Variants in APBB2 observed in about 807,000 individuals in gnomAD.
APBB2 encodes amyloid beta precursor protein binding family B member 2.
APBB2 carries 38 observed loss-of-function variants against 82.5 expected under a neutral mutation model. The ratio of observed to expected loss-of-function variants is 0.46; its 90% CI spans 0.36 to 0.60. The LOEUF (loss-of-function observed/expected upper bound fraction) is 0.60. APBB2 is among the 20% of genes least tolerant of loss of function. APBB2 has a pLI of 0.00. For missense variants in APBB2, 772 were observed against 972.3 expected, an observed-to-expected ratio of 0.79 and a Z score of 2.74; for synonymous variants, 341 against 368.2, an observed-to-expected ratio of 0.93 and a Z score of 0.85.
chr4:41,172,222 C>G (rs1037027664), intron 1 of APBB2, among the ~76,000 whole-genome samples: 1 of 151,986 alleles, frequency 6.6e-6, no homozygotes, highest in African/African-American at 2.4e-5. Flanking sequence ...CATCCAGCAC[C>G]CCCCGCCCCA....
At chr4:40,857,024 AC>A (rs1479287083) in intron 12 of APBB2, 2 of 985,236 alleles carry the variant, frequency 2.0e-6, no homozygotes, top group Non-Finnish European at 2.4e-6. Flanking sequence ...CAACTTCCTC[AC>A]CTTTGCCTCC....
chr4:40,855,563 C>A (rs912986128), intron 12 of APBB2, among the ~76,000 whole-genome samples: 28 of 151,952 alleles, frequency 1.8e-4, no homozygotes, highest in African/African-American at 6.5e-4. Flanking sequence ...GGTGAAATCC[C>A]GTCTCTACTC....
At chr4:40,927,430 T>C (rs1374347949) in intron 10 of APBB2, among the ~76,000 whole-genome samples, 3 of 152,160 alleles carry the variant, frequency 2.0e-5, no homozygotes, top group African/African-American at 7.2e-5. Flanking sequence ...GCCCATTAGA[T>C]GGGCTCTAAT....
chr4:41,104,780 C>T (rs1156839274), intron 2 of APBB2, among the ~76,000 whole-genome samples: 7 of 152,160 alleles, frequency 4.6e-5, no homozygotes, highest in Non-Finnish European at 1.0e-4. Context: ...TACTAATTCT[C>T]TTAGGATAAT....
intron 1 of APBB2, among the ~76,000 whole-genome samples, chr4:41,159,976 A>AAGG (rs1764610464): frequency 1.8e-5 from 2 of 111,990 alleles, no homozygotes; most frequent in South Asian, 5.5e-4. Context: ...GAAGAAGAAG[A>AAGG]AGAAGAAGAA....
chr4:40,831,464 A>G (rs920770581), intron 12 of APBB2, among the ~76,000 whole-genome samples: 1 of 152,222 alleles, frequency 6.6e-6, no homozygotes, highest in Non-Finnish European at 1.5e-5. Context: ...GGAATCTCTA[A>G]CAACCCTTAG....
At chr4:40,882,492 T>C (rs987171626) in intron 12 of APBB2, among the ~76,000 whole-genome samples, 9 of 152,132 alleles carry the variant, frequency 5.9e-5, no homozygotes, top group African/African-American at 1.9e-4. Context: ...TTCTGTGAAG[T>C]TGGAAAAACT....
rs557952473 is a variant in APBB2 at position 41,074,416 on chromosome 4, C to G, written c.-148-8743G>C. Among the ~76,000 whole-genome samples the G allele has an allele frequency of 4.6e-5, 7 of 152,260 alleles. No homozygotes were observed. In the South Asian group the frequency reaches 1.4e-3, roughly 32 times the overall value. ...CCTGTTGCTCAGAGCAGCGACACTT[C>G]TAGTTAGCTTTAGCACAAAACAGAT... is the stretch of plus-strand genomic sequence containing the variant. On this transcript the variant is annotated intron_variant, in intron 3 of 17. Coordinates refer to ENST00000508593, the MANE Select transcript of APBB2 (RefSeq NM_004307.2).
intron 1 of APBB2, among the ~76,000 whole-genome samples, chr4:41,150,008 TC>T (rs1761828825): frequency 6.6e-6 from 1 of 152,162 alleles, no homozygotes; most frequent in South Asian, 2.1e-4. Context: ...CTTGGGTATT[TC>T]TTCATACCAG....
intron 10 of APBB2, among the ~76,000 whole-genome samples, chr4:40,924,710 G>C (rs1782167828): frequency 6.6e-6 from 1 of 152,182 alleles, no homozygotes; most frequent in Admixed American, 6.5e-5. Flanking sequence ...CCCCCATGTG[G>C]ATCAGGCAGG....
At chr4:41,011,365 G>C (rs1009132990) in intron 6 of APBB2, among the ~76,000 whole-genome samples, 21 of 151,600 alleles carry the variant, frequency 1.4e-4, no homozygotes, top group African/African-American at 5.1e-4. Flanking sequence ...ACTTTTAGTA[G>C]AGACAGGGTT....
chr4:40,874,971 AAGC>A (rs1342523934), intron 12 of APBB2, among the ~76,000 whole-genome samples: 1 of 152,202 alleles, frequency 6.6e-6, no homozygotes, highest in African/African-American at 2.4e-5. Flanking sequence ...AAAAATCAAA[AAGC>A]AGGGCACACA....
intron 10 of APBB2, among the ~76,000 whole-genome samples, chr4:40,929,119 G>A (rs1312821343): frequency 2.0e-5 from 3 of 151,582 alleles, no homozygotes; most frequent in Non-Finnish European, 2.9e-5. Context: ...ACATGACGGC[G>A]ATCTGGAGAA....
At chr4:40,882,154 C>T (rs186219160) in intron 12 of APBB2, among the ~76,000 whole-genome samples, 6 of 152,282 alleles carry the variant, frequency 3.9e-5, no homozygotes, top group Admixed American at 3.3e-4. Context: ...GAGAATAGCA[C>T]ATAGGATTTT....
intron 6 of APBB2, among the ~76,000 whole-genome samples, chr4:41,000,077 G>GTGTGTGTGTGTA (rs1333135417): frequency 7.5e-6 from 1 of 132,672 alleles, no homozygotes; most frequent in Non-Finnish European, 1.6e-5. Flanking sequence ...GTATGTGTGT[G>GTGTGTGTGTGTA]TGTGTGTGTG....
chr4:41,038,408 T>C (rs549658801), intron 4 of APBB2, among the ~76,000 whole-genome samples: 1 of 152,326 alleles, frequency 6.6e-6, no homozygotes, highest in South Asian at 2.1e-4. Context: ...TCCTTCTCAA[T>C]GTGCCTAGCT....
At chr4:41,074,553 G>A (rs991272097) in intron 3 of APBB2, among the ~76,000 whole-genome samples, 13 of 151,558 alleles carry the variant, frequency 8.6e-5, no homozygotes, top group East Asian at 3.9e-4. Flanking sequence ...AACATGAGGC[G>A]TCTGAAACAG....
At chr4:40,946,702 A>T (rs1788550926) in intron 6 of APBB2, among the ~76,000 whole-genome samples, 1 of 152,088 alleles carries the variant, frequency 6.6e-6, no homozygotes. Context: ...AAACTTTAAA[A>T]ACTTGAGCTC....
At chr4:41,208,308 C>A (rs368366734) in intron 1 of APBB2, among the ~76,000 whole-genome samples, 5 of 152,332 alleles carry the variant, frequency 3.3e-5, no homozygotes, top group African/African-American at 9.6e-5. Context: ...TTCACCCAGG[C>A]TGGAGTGCAG....
Sources: gnomAD v4.1 joint callset for allele counts (sites outside exome capture counted in the v4.1 genomes callset) on GRCh38, gnomAD v4.1.1 for gene constraint, MANE v1.5 for transcripts, NCBI Gene and HGNC (gene_info 2026-07-23, HGNC 2026-07-21) for gene names.